Variants in PRPF6 observed in about 807,000 individuals in gnomAD.
PRPF6 encodes the protein pre-mRNA processing factor 6.
A neutral mutation model predicts 118.3 loss-of-function variants in PRPF6; 42 were observed. That is an observed-to-expected ratio of 0.35 (90% CI 0.28 to 0.46). The LOEUF (loss-of-function observed/expected upper bound fraction) is 0.46, where lower values mean the gene tolerates loss of function less well. PRPF6 is among the 20% of genes least tolerant of loss of function. The pLI is 1.00. For missense variants in PRPF6, 662 were observed against 1,255.7 expected, an observed-to-expected ratio of 0.53 and a Z score of 7.15; for synonymous variants, 481 against 485.1, an observed-to-expected ratio of 0.99 and a Z score of 0.11.
At chr20:64,014,893 G>A (rs1056376831) in intron 11 of PRPF6, among the ~76,000 whole-genome samples, 2 of 152,216 alleles carry the variant, frequency 1.3e-5, no homozygotes, top group African/African-American at 2.4e-5. Context: ...TCTACTGAGC[G>A]TGGTGGCTTT....
At chr20:63,992,050 G>A (rs1239642820) in intron 3 of PRPF6, among the ~76,000 whole-genome samples, 1 of 152,156 alleles carries the variant, frequency 6.6e-6, no homozygotes, top group African/African-American at 2.4e-5. Context: ...GGAGTGTTTG[G>A]TGGTAACTAG....
intron 13 of PRPF6, among the ~76,000 whole-genome samples, chr20:64,024,144 C>A (rs1267782543): frequency 1.3e-5 from 2 of 152,118 alleles, no homozygotes; most frequent in Non-Finnish European, 2.9e-5. Flanking sequence ...TAAGATAATT[C>A]TTTTGGATGC....
At chr20:63,987,657 G>GT (rs1354764209) in intron 3 of PRPF6, among the ~76,000 whole-genome samples, 1 of 152,214 alleles carries the variant, frequency 6.6e-6, no homozygotes, top group Non-Finnish European at 1.5e-5. Flanking sequence ...AAAAGAAGAA[G>GT]TTAAATTATC....
In PRPF6 at chr20:64,022,795, C is replaced by A. The variant is rs1229880649; in HGVS notation, c.1686C>A (p.Ile562=). The A allele has an allele frequency of 1.2e-6, 2 of 1,614,048 alleles. No homozygotes were observed. Among genetic ancestry groups the A allele is most frequent in the Non-Finnish European group, 1.7e-6 (2 of 1,180,044 alleles). Residue 562 remains isoleucine, a synonymous_variant, in exon 13 of 21, where the codon ATC becomes ATA. Transcript: ENST00000266079. ...AHNALECARA[I]YAYALQVFPS... ...ATGCCCTGGAGTGTGCACGAGCCAT[C>A]TACGCCTACGCCCTGCAGGTGTTCC...
chr20:64,003,454 C>T (rs539463586), intron 9 of PRPF6, among the ~76,000 whole-genome samples: 2 of 152,342 alleles, frequency 1.3e-5, no homozygotes, highest in South Asian at 2.1e-4. Flanking sequence ...CTGTCTACGT[C>T]TGTTAGAAGA....
chr20:64,033,074 TAA>T lies in PRPF6; in HGVS notation c.*84_*85del, dbSNP rs1000981948. On this transcript the variant is annotated 3_prime_UTR_variant, in exon 21 of 21. Transcript: ENST00000266079. ...GGCTCTGAGCTGTGTCCTCCTTCATTAAAAGTTTTTATGTCTCGTGTCAGAAC... is the reference window on the plus strand; with the variant it reads ...GGCTCTGAGCTGTGTCCTCCTTCATTAAGTTTTTATGTCTCGTGTCAGAAC... 5.1e-6 allele frequency: 8 copies of T among 1,583,530 alleles called. No homozygotes were observed. Among genetic ancestry groups the T allele is most frequent in the African/African-American group, 2.7e-5 (2 of 74,398 alleles).
chr20:63,987,575 T>G (rs1490171777), intron 3 of PRPF6, among the ~76,000 whole-genome samples: 2 of 152,144 alleles, frequency 1.3e-5, no homozygotes, highest in Non-Finnish European at 2.9e-5. Flanking sequence ...ACCACTGTGA[T>G]TCAACATTGT....
intron 12 of PRPF6, among the ~76,000 whole-genome samples, chr20:64,019,013 G>A (rs1305428074): frequency 6.6e-6 from 1 of 151,708 alleles, no homozygotes; most frequent in African/African-American, 2.4e-5. Context: ...CCATCCTCCT[G>A]CCCCATGTAT....
chr20:64,000,546 G>A (rs1328759959), intron 8 of PRPF6, among the ~76,000 whole-genome samples: 2 of 150,440 alleles, frequency 1.3e-5, no homozygotes, highest in Non-Finnish European at 3.0e-5. Flanking sequence ...AGGAAATCAT[G>A]CTCTTTTCAC....
rs2059305998 is a variant in PRPF6, at chr20:64,029,600, G to A, written c.2546+109G>A. ...TTGTAAAGATGCCCGGCAGCAGGGT[G>A]GGCTTCCCCGATCCTCGGCTGCCGT... On this transcript the variant is annotated intron_variant, in intron 19 of 20. Coordinates refer to ENST00000266079, the MANE Select transcript of PRPF6 (RefSeq NM_012469.4). This position sits in a 1 kb window ranked among gnomAD's most constrained non-coding sequence, Gnocchi z 4.8. 3.0e-6 allele frequency: 3 copies of A among 986,466 alleles called. No homozygotes were observed. Among genetic ancestry groups the A allele is most frequent in the African/African-American group, 1.6e-5 (1 of 62,464 alleles). 61.1% of individuals were successfully genotyped at this position (986,466 alleles called of 1,614,324 possible).
intron 3 of PRPF6, among the ~76,000 whole-genome samples, chr20:63,990,972 G>A (rs548604104): frequency 8.6e-5 from 13 of 151,398 alleles, no homozygotes; most frequent in African/African-American, 3.1e-4. Flanking sequence ...GCTAATTTTT[G>A]TCTATGTTGC....
intron 14 of PRPF6, 141 bp downstream of exon 14, chr20:64,024,834 A>T: frequency 1.5e-6 from 2 of 1,292,218 alleles, no homozygotes; most frequent in Non-Finnish European, 2.1e-6. Context: ...GCTGCTCCAC[A>T]GGAGCAGGGG....
At chr20:63,999,864 A>G (rs2059158769) in intron 8 of PRPF6, 105 bp downstream of exon 8, 1 of 1,416,804 alleles carries the variant, frequency 7.1e-7, no homozygotes, top group Non-Finnish European at 9.7e-7. Context: ...TATTGAAACT[A>G]CAGACAATAG....
intron 3 of PRPF6, 137 bp from the exon 4 acceptor site, chr20:63,993,262 GTATATGTA>G (rs1435138936): frequency 3.1e-4 from 82 of 266,054 alleles, no homozygotes; most frequent in African/African-American, 2.7e-3. Flanking sequence ...GTGTGTGTGT[GTATATGTA>G]TATATATATA....
intron 19 of PRPF6, 42 bp from the exon 20 acceptor site, chr20:64,031,876 T>C: frequency 1.2e-6 from 2 of 1,613,712 alleles, no homozygotes; most frequent in Non-Finnish European, 1.7e-6. Flanking sequence ...AATACCGTCC[T>C]GCAGCCACTC....
Position 64,027,765 on chromosome 20 carries a change from C to G in PRPF6, c.2339+29C>G, listed in dbSNP as rs371661868. ...AGTCCTGGAGGGGGCAGCCTGGCCT[C>G]TGGGCACAGCTTCCCCATCAGGTGG... is the stretch of plus-strand genomic sequence containing the variant. On this transcript the variant is annotated intron_variant, in intron 17 of 20. Transcript: ENST00000266079. The surrounding 1 kb of genome is among the most constrained non-coding windows in gnomAD (Gnocchi z 6.5). 1.1e-5 allele frequency: 18 copies of G among 1,613,106 alleles called. No homozygotes were observed. The African/African-American group carries it at 2.3e-4, about 20-fold the overall frequency.
chr20:64,023,229 C>T (rs2059274292), intron 13 of PRPF6, among the ~76,000 whole-genome samples: 1 of 152,234 alleles, frequency 6.6e-6, no homozygotes, highest in Admixed American at 6.5e-5. Context: ...GGTGGGGCAG[C>T]ATCTGGGCTC....
At chr20:63,999,229 T>G (rs911466391) in intron 7 of PRPF6, 90 bp downstream of exon 7, 1 of 1,070,530 alleles carries the variant, frequency 9.3e-7, no homozygotes, top group Admixed American at 1.8e-5. Context: ...GCTGTCAAAA[T>G]GGGACATGGC....
intron 12 of PRPF6, among the ~76,000 whole-genome samples, chr20:64,017,816 AGAG>A (rs1387700897): frequency 1.3e-5 from 2 of 152,252 alleles, no homozygotes; most frequent in African/African-American, 4.8e-5. Context: ...TTTCTTTAAA[AGAG>A]GACGTTCTCT....
Sources: gnomAD v4.1 joint callset for allele counts (sites outside exome capture counted in the v4.1 genomes callset) on GRCh38, gnomAD v4.1.1 for gene constraint, Gnocchi (gnomAD v3.1) non-coding constraint, MANE v1.5 for transcripts, NCBI Gene and HGNC (gene_info 2026-07-23, HGNC 2026-07-21) for gene names.